The following ADCY7 variants were observed in gnomAD, a reference collection of about 807,000 sequenced individuals.
ADCY7 encodes adenylate cyclase type 7.
Under a neutral mutation model 120.6 loss-of-function variants are expected in ADCY7, and 72 were observed. That is an observed-to-expected ratio of 0.60 (90% CI 0.49 to 0.73). ADCY7 has a LOEUF of 0.73. Ranked by LOEUF, ADCY7 falls within the 30% of genes least tolerant of loss-of-function variation. The pLI is 0.00. For synonymous variants in ADCY7, 661 were observed against 628.0 expected (o/e 1.05, Z -0.78); for missense variants, 1,227 against 1,486.0 (o/e 0.83, Z 2.87).
chr16:50,270,139 T>G (rs1208271649), intron 1 of ADCY7, among the ~76,000 whole-genome samples: 3 of 151,906 alleles, frequency 2.0e-5, no homozygotes, highest in African/African-American at 4.8e-5. Context: ...ATCATGCCAC[T>G]GTACTCCACT....
At chr16:50,270,977 A>C (rs1445977832) in intron 1 of ADCY7, among the ~76,000 whole-genome samples, 2 of 152,114 alleles carry the variant, frequency 1.3e-5, no homozygotes, top group African/African-American at 4.8e-5. Context: ...GGCTTGCCAT[A>C]GGCATCTGGC....
chr16:50,265,211 C>A (rs1353522757), upstream of ADCY7, among the ~76,000 whole-genome samples: 2 of 152,204 alleles, frequency 1.3e-5, no homozygotes, highest in East Asian at 3.8e-4. Flanking sequence ...TAGTCAGTGG[C>A]TTGTCTTTCC....
intron 1 of ADCY7, among the ~76,000 whole-genome samples, chr16:50,284,003 C>T (rs2034433157): frequency 6.6e-6 from 1 of 152,186 alleles, no homozygotes; most frequent in Non-Finnish European, 1.5e-5. Context: ...TTCCTTTATC[C>T]AGGGCCTTGT....
At chr16:50,306,117 C>T (rs1030479101) in intron 14 of ADCY7, among the ~76,000 whole-genome samples, 3 of 152,236 alleles carry the variant, frequency 2.0e-5, no homozygotes, top group African/African-American at 7.2e-5. Context: ...CCGTCCAGTG[C>T]CAAAGCCTTA....
At chr16:50,314,199 T>C in intron 23 of ADCY7, 93 bp from the exon 24 acceptor site, 1 of 1,424,460 alleles carries the variant, frequency 7.0e-7, no homozygotes, top group Non-Finnish European at 9.8e-7. Flanking sequence ...AGGATTTTAG[T>C]GGTGGGGATC....
intron 8 of ADCY7, among the ~76,000 whole-genome samples, chr16:50,299,553 C>T (rs953403823): frequency 2.0e-5 from 3 of 152,230 alleles, no homozygotes; most frequent in African/African-American, 7.2e-5. Flanking sequence ...GAGGGCCAGG[C>T]AGGCCCAGCC....
intron 17 of ADCY7, chr16:50,309,312 C>T (rs2036291430): frequency 4.0e-6 from 2 of 500,810 alleles, no homozygotes; most frequent in South Asian, 3.0e-5. Flanking sequence ...GCCCCTCCCC[C>T]TGGCTGCTGC....
intron 20 of ADCY7, 111 bp downstream of exon 20, chr16:50,311,897 G>C (rs2036506403): frequency 8.9e-6 from 13 of 1,453,762 alleles, no homozygotes; most frequent in Non-Finnish European, 1.2e-5. Flanking sequence ...GAAAAGACTA[G>C]AGTCCTGCCA....
chr16:50,288,217 A>G lies in ADCY7; in HGVS notation c.38A>G (p.Glu13Gly). 1 of 1,551,412 alleles carries G rather than the reference A, an allele frequency of 6.4e-7. No homozygotes were observed. Among genetic ancestry groups the G allele is most frequent in the Non-Finnish European group, 8.7e-7 (1 of 1,146,990 alleles). ...AKGRYFLNEG[E>G]EGPDQDALYE... ...GGGCGCTACTTCCTCAACGAGGGCG[A>G]GGAGGGCCCTGACCAAGATGCGCTC... Residue 13 changes from glutamate to glycine, a missense_variant, in exon 2 of 26, where the codon GAG (glutamate) becomes GGG (glycine). Physicochemically the swap from Glu to Gly is moderately conservative, Grantham distance 98. This residue lies in a region of ADCY7 where 382 missense variants were observed against 411.4 expected (regional missense o/e 0.93). Transcript: ENST00000673801.
rs1428403693 is a variant in ADCY7, at chr16:50,318,041, CTG to C, written c.*2538_*2539del. 1 of 152,308 alleles carries C rather than the reference CTG, an allele frequency of 6.6e-6. No individual in the cohort carries two copies. Among genetic ancestry groups the C allele is most frequent in the African/African-American group, 2.4e-5 (1 of 41,454 alleles). 9.4% of individuals were successfully genotyped at this position (152,308 alleles called of 1,614,324 possible). On this transcript the variant is annotated 3_prime_UTR_variant, in exon 26 of 26. Coordinates refer to ENST00000673801, the MANE Select transcript of ADCY7 (RefSeq NM_001114.5). Reference sequence around the variant, plus strand: ...TTCTATATAATGAATATTTATAGATCTGTAACATTTGTTTCAAAATGCTGTTT... The same window carrying C: ...TTCTATATAATGAATATTTATAGATCTAACATTTGTTTCAAAATGCTGTTT...
intron 1 of ADCY7, among the ~76,000 whole-genome samples, chr16:50,273,746 G>A (rs2033707628): frequency 6.6e-6 from 1 of 152,236 alleles, no homozygotes; most frequent in Non-Finnish European, 1.5e-5. Flanking sequence ...TGGGACTGGG[G>A]ATTCCAGGGT....
chr16:50,305,441 C>A, intron 12 of ADCY7, 62 bp from the exon 13 acceptor site: 3 of 1,467,504 alleles, frequency 2.0e-6, no homozygotes, highest in South Asian at 1.1e-5. Context: ...ACGTCCACAC[C>A]CTCCTCTGGG....
intron 1 of ADCY7, among the ~76,000 whole-genome samples, chr16:50,280,689 C>G (rs2034204242): frequency 1.3e-5 from 2 of 152,192 alleles, no homozygotes. Flanking sequence ...AGAACATCAG[C>G]CTTTTCCCTC....
In ADCY7 at chr16:50,307,995, C is replaced by CAA. The variant is rs34191947; in HGVS notation, c.1851-312_1851-311dup. On this transcript the variant is annotated intron_variant, in intron 15 of 25. Coordinates refer to ENST00000673801, the MANE Select transcript of ADCY7 (RefSeq NM_001114.5). ...TGGGTGACAGAGTGAGACTCCATCT[C>CAA]AAAAAAAAAAAAAAAAAAAAACGAA... Among the ~76,000 whole-genome samples the CAA allele has an allele frequency of 6.2e-3, 398 of 64,692 alleles. 11 individuals carry two copies. The highest frequency in any genetic ancestry group is 0.02 in the South Asian group (32 of 1,628). The allele number at this position is 64,692 out of a possible 152,430, so 42.4% of individuals were successfully genotyped here. A position where few individuals can be genotyped will look rare whatever the true frequency, so the allele number is the denominator to read the frequency against.
chr16:50,276,493 T>C (rs2150870269), intron 1 of ADCY7, among the ~76,000 whole-genome samples: 1 of 152,338 alleles, frequency 6.6e-6, no homozygotes, highest in South Asian at 2.1e-4. Context: ...CTGAATCCTT[T>C]CAAAATCCTG....
At chr16:50,245,640 G>C (rs2032556750), upstream of ADCY7, among the ~76,000 whole-genome samples, 1 of 152,038 alleles carries the variant, frequency 6.6e-6, no homozygotes, top group African/African-American at 2.4e-5. Context: ...GCCATAGGAG[G>C]TTAAGGCCTG....
Position 50,299,211 on chromosome 16 carries a change from G to A in ADCY7, c.1076+180G>A, listed in dbSNP as rs990921465. ...GAGGATTCAGACTTCATCTGTTTGC[G>A]TCCCTCCCTGTGGTGCTGCCTGTGA... On this transcript the variant is annotated intron_variant, in intron 8 of 25. Coordinates refer to ENST00000673801, the MANE Select transcript of ADCY7 (RefSeq NM_001114.5). Among the ~76,000 whole-genome samples, 10 of 152,236 alleles carry A rather than the reference G, an allele frequency of 6.6e-5. No individual in the cohort carries two copies. In the South Asian group the frequency reaches 8.3e-4, roughly 13 times the overall value.
At chr16:50,268,599 T>C (rs1224854612) in intron 1 of ADCY7, among the ~76,000 whole-genome samples, 1 of 152,196 alleles carries the variant, frequency 6.6e-6, no homozygotes, top group Non-Finnish European at 1.5e-5. Flanking sequence ...AGCAGCTGTT[T>C]ACTAGCAGCT....
At chr16:50,245,381 G>A (rs544110347), upstream of ADCY7, among the ~76,000 whole-genome samples, 1 of 152,266 alleles carries the variant, frequency 6.6e-6, no homozygotes, top group South Asian at 2.1e-4. Context: ...GATTCATGGG[G>A]GTCTGCGAGT....
Sources: allele counts gnomAD v4.1 joint callset (sites outside exome capture counted in the v4.1 genomes callset), GRCh38; gene constraint gnomAD v4.1.1; regional missense constraint gnomAD v4.1.1; transcripts MANE v1.5; gene names NCBI Gene and HGNC (gene_info 2026-07-23, HGNC 2026-07-21).